The following KCNT2 variants were observed in gnomAD, a reference collection of about 807,000 sequenced individuals.
KCNT2 encodes the protein potassium sodium-activated channel subfamily T member 2, also known as potassium channel subfamily T member 2.
In KCNT2, 67 loss-of-function variants were observed where a neutral mutation model predicts 153.8. The ratio of observed to expected loss-of-function variants is 0.44; its 90% CI spans 0.36 to 0.53. The LOEUF (loss-of-function observed/expected upper bound fraction) is 0.53. Ranked by LOEUF, KCNT2 falls within the 20% of genes least tolerant of loss-of-function variation. The pLI is 0.00. For synonymous variants in KCNT2, 500 were observed against 458.8 expected (o/e 1.09, Z -1.15); for missense variants, 975 against 1,354.8 (o/e 0.72, Z 4.40).
rs1682100986 is a variant in KCNT2 at position 196,516,866 on chromosome 1, AC to A, written c.96-24526del. Among the ~76,000 whole-genome samples, 6 of 152,100 alleles carry A rather than the reference AC, an allele frequency of 3.9e-5. No homozygotes were observed. In the South Asian group the frequency reaches 1.2e-3, roughly 32 times the overall value. ...CCAAGGTGACTAGAGACTAGAGCAGACCCCCAGCATACTACAGCACCCTTAT... is the reference window on the plus strand; with the variant it reads ...CCAAGGTGACTAGAGACTAGAGCAGACCCCAGCATACTACAGCACCCTTAT... On this transcript the variant is annotated intron_variant, in intron 1 of 27. Transcript: ENST00000294725.
chr1:196,495,579 G>C (rs866886765), intron 1 of KCNT2, among the ~76,000 whole-genome samples: 1 of 151,212 alleles, frequency 6.6e-6, no homozygotes, highest in Non-Finnish European at 1.5e-5. Context: ...AACTTTATCT[G>C]AATTTACTTA....
chr1:196,429,840 C>T, intron 8 of KCNT2, 83 bp from the exon 9 acceptor site: 1 of 959,434 alleles, frequency 1.0e-6, no homozygotes, highest in Non-Finnish European at 1.5e-6. Flanking sequence ...AAAGCCAAAG[C>T]ACATTTCATA....
intron 8 of KCNT2, among the ~76,000 whole-genome samples, chr1:196,463,931 T>C (rs1677378940): frequency 6.6e-6 from 1 of 151,850 alleles, no homozygotes; most frequent in Admixed American, 6.6e-5. Flanking sequence ...CGTGTCCTTT[T>C]TCTCACACTA....
In KCNT2 at chr1:196,315,841, C is replaced by A. The variant is rs763383188; in HGVS notation, c.2483+51G>T. On this transcript the variant is annotated intron_variant, in intron 21 of 27. Coordinates refer to ENST00000294725, the MANE Select transcript of KCNT2 (RefSeq NM_198503.5). ...CACAGAGTCAGTGTCAAATATTTTA[C>A]CAATGTTTAGCACAAAGTAAGTGGC... The A allele has an allele frequency of 7.9e-6, 12 of 1,512,184 alleles. No homozygotes were observed. The South Asian group carries it at 1.5e-4, about 19-fold the overall frequency. The allele number at this position is 1,512,184 out of a possible 1,614,324, so 93.7% of individuals were successfully genotyped here.
rs191817693 is a variant in KCNT2, at chr1:196,371,779, A to G, written c.1403+1361T>C. Among the ~76,000 whole-genome samples the G allele has an allele frequency of 2.7e-3, 410 of 152,186 alleles. 2 individuals carry two copies. The highest frequency in any genetic ancestry group is 9.4e-3 in the African/African-American group (392 of 41,562). On this transcript the variant is annotated intron_variant, in intron 14 of 27. Coordinates refer to ENST00000294725, the MANE Select transcript of KCNT2 (RefSeq NM_198503.5). ...AGGCAATACTGTTTGTCAATAAATA[A>G]TATTTACTAGGAGATGCACAACGAA...
chr1:196,403,077 G>A (rs577266219), intron 12 of KCNT2, among the ~76,000 whole-genome samples: 3 of 151,570 alleles, frequency 2.0e-5, no homozygotes, highest in Non-Finnish European at 4.4e-5. Flanking sequence ...ATTTACCTAA[G>A]TGAACAGAAA....
intron 1 of KCNT2, among the ~76,000 whole-genome samples, chr1:196,513,500 G>A (rs767813710): frequency 3.9e-5 from 6 of 152,134 alleles, no homozygotes; most frequent in Middle Eastern, 3.2e-3. Context: ...CTATGATATC[G>A]CTTTATTTCC....
At position 196,227,631 on chromosome 1, in the gene KCNT2, T is replaced by G. The variant is rs1475121767; in HGVS notation, c.*593A>C. ...TAAAACATGCTATGAACATCTCAAA[T>G]TCTAAGATAAATATTTTTATATCGT... On this transcript the variant is annotated 3_prime_UTR_variant, in exon 28 of 28. Coordinates refer to ENST00000294725, the MANE Select transcript of KCNT2 (RefSeq NM_198503.5). 6.6e-6 allele frequency: 1 copy of G among 152,498 alleles called. No individual in the cohort carries two copies. Among genetic ancestry groups the G allele is most frequent in the Admixed American group, 6.6e-5 (1 of 15,266 alleles). The allele number at this position is 152,498 out of a possible 1,614,324, so 9.4% of individuals were successfully genotyped here. A position where few individuals can be genotyped will look rare whatever the true frequency, so the allele number is the denominator to read the frequency against.
At chr1:196,466,084 GA>G (rs1188486420) in intron 7 of KCNT2, among the ~76,000 whole-genome samples, 20 of 151,880 alleles carry the variant, frequency 1.3e-4, no homozygotes, top group African/African-American at 4.8e-4. Context: ...AGCATCTGGC[GA>G]AAAGAGATAT....
At chr1:196,260,301 T>G (rs1656887260) in intron 25 of KCNT2, among the ~76,000 whole-genome samples, 1 of 151,848 alleles carries the variant, frequency 6.6e-6, no homozygotes, top group African/African-American at 2.4e-5. Context: ...ATAAAAAATT[T>G]TAAATGGGAG....
At chr1:196,412,548 C>G (rs553456637) in intron 12 of KCNT2, among the ~76,000 whole-genome samples, 1 of 151,612 alleles carries the variant, frequency 6.6e-6, no homozygotes, top group Non-Finnish European at 1.5e-5. Flanking sequence ...AAATTTGAAG[C>G]TAGATAGACT....
chr1:196,604,899 C>A (rs1044296070), intron 1 of KCNT2, among the ~76,000 whole-genome samples: 2 of 152,052 alleles, frequency 1.3e-5, no homozygotes, highest in East Asian at 1.9e-4. Context: ...TTTACCTACA[C>A]AAAAGGTGGC....
rs1272224461 is a variant in KCNT2 at position 196,482,377 on chromosome 1, G to A, written c.278C>T (p.Ser93Phe). The change falls in exon 4 of 28, where the codon TCT (serine) becomes TTT (phenylalanine). Residue 93 changes from serine to phenylalanine, a missense_variant and splice_region_variant. Physicochemically the swap from Ser to Phe is radical, Grantham distance 155. Coordinates refer to ENST00000294725, the MANE Select transcript of KCNT2 (RefSeq NM_198503.5). ...LENPSQGNEW[S>F]HIFWVNRSLP... ...ACTTCTGTTCACCCAAAAGATATGA[G>A]ACCTATAAAAAGAATAATAATAAGT... 1.3e-6 allele frequency: 2 copies of A among 1,526,050 alleles called. No individual in the cohort carries two copies. The highest frequency in any genetic ancestry group is 2.3e-5 in the East Asian group (1 of 42,770). 94.5% of individuals were successfully genotyped at this position (1,526,050 alleles called of 1,614,324 possible).
intron 16 of KCNT2, among the ~76,000 whole-genome samples, chr1:196,334,483 C>CTTTTTTTTTTTTTTTTTTTTTTTTTTT (rs757677685): frequency 7.1e-5 from 3 of 42,340 alleles, no homozygotes; most frequent in African/African-American, 2.0e-4. Flanking sequence ...TTCTTTCTTT[C>CTTTTTTTTTTTTTTTTTTTTTTTTTTT]TTTCTTTTTT....
chr1:196,244,517 C>T (rs1170395537), intron 26 of KCNT2, among the ~76,000 whole-genome samples: 6 of 152,090 alleles, frequency 3.9e-5, no homozygotes. Context: ...CAAAATCTGA[C>T]TGAAGAGCAT....
chr1:196,413,609 G>A (rs1672514475), intron 12 of KCNT2, among the ~76,000 whole-genome samples: 1 of 151,540 alleles, frequency 6.6e-6, no homozygotes, highest in Non-Finnish European at 1.5e-5. Context: ...TATGTCATGT[G>A]CTTTATTGTT....
At chr1:196,411,811 C>G (rs1469427485) in intron 12 of KCNT2, among the ~76,000 whole-genome samples, 1 of 151,676 alleles carries the variant, frequency 6.6e-6, no homozygotes, top group East Asian at 1.9e-4. Context: ...GGATATATTC[C>G]AAGACCTTCA....
At position 196,583,678 on chromosome 1, in the gene KCNT2, A is replaced by G. The variant is rs573866814; in HGVS notation, c.95+24537T>C. Among the ~76,000 whole-genome samples the G allele has an allele frequency of 3.3e-5, 5 of 152,192 alleles. No individual in the cohort carries two copies. The South Asian group carries it at 1.0e-3, about 32-fold the overall frequency. On this transcript the variant is annotated intron_variant, in intron 1 of 27. Coordinates refer to ENST00000294725, the MANE Select transcript of KCNT2 (RefSeq NM_198503.5). ...AAGAAGAATGATATCATAGAAATCAAGAGAAGGAAGTTTCAAGAAAGAGGA... is the reference window on the plus strand; with the variant it reads ...AAGAAGAATGATATCATAGAAATCAGGAGAAGGAAGTTTCAAGAAAGAGGA...
At chr1:196,254,491 T>G (rs1486536643) in intron 26 of KCNT2, among the ~76,000 whole-genome samples, 1 of 151,536 alleles carries the variant, frequency 6.6e-6, no homozygotes, top group Non-Finnish European at 1.5e-5. Context: ...CAAAAAATTA[T>G]AAAAGAAATA....
Sources: allele counts gnomAD v4.1 joint callset (sites outside exome capture counted in the v4.1 genomes callset), GRCh38; gene constraint gnomAD v4.1.1; transcripts MANE v1.5; gene names NCBI Gene and HGNC (gene_info 2026-07-23, HGNC 2026-07-21).